ANKRD31: variants seen among roughly 807,000 people sequenced by gnomAD.
ANKRD31 encodes ankyrin repeat domain-containing protein 31.
ANKRD31 carries 147 observed loss-of-function variants against 186.0 expected under a neutral mutation model. That is an observed-to-expected ratio of 0.79 (90% CI 0.69 to 0.91). The LOEUF (loss-of-function observed/expected upper bound fraction) is 0.91. Among genes scored for constraint, ANKRD31 ranks in the 40% least tolerant of loss-of-function variants. ANKRD31 has a pLI of 0.00. For missense variants in ANKRD31, 1,986 were observed against 2,148.8 expected (o/e 0.92, Z 1.50); for synonymous variants, 673 against 736.4 (o/e 0.91, Z 1.39).
At chr5:75,147,544 C>A in intron 13 of ANKRD31, 39 bp from the exon 14 acceptor site, 1 of 1,248,860 alleles carries the variant, frequency 8.0e-7, no homozygotes, top group Non-Finnish European at 1.1e-6. Context: ...TAATTTTCAG[C>A]GGTAGTACTA....
intron 10 of ANKRD31, among the ~76,000 whole-genome samples, chr5:75,186,234 G>T (rs1426344739): frequency 1.3e-5 from 2 of 152,068 alleles, no homozygotes; most frequent in East Asian, 3.9e-4. Context: ...TTTAAAAAAA[G>T]AAATTGGAGG....
At chr5:75,159,464 A>G (rs1752427154) in intron 11 of ANKRD31, among the ~76,000 whole-genome samples, 1 of 152,158 alleles carries the variant, frequency 6.6e-6, no homozygotes, top group Non-Finnish European at 1.5e-5. Context: ...AAAGTCAAAG[A>G]TAAAATCATG....
intron 9 of ANKRD31, among the ~76,000 whole-genome samples, chr5:75,192,124 C>G (rs77793101): frequency 6.6e-6 from 1 of 152,082 alleles, no homozygotes. Context: ...ACGCTTATAT[C>G]GCTGCAGTAT....
intron 10 of ANKRD31, among the ~76,000 whole-genome samples, chr5:75,172,482 C>T (rs576741508): frequency 7.3e-5 from 11 of 150,488 alleles, no homozygotes; most frequent in African/African-American, 2.7e-4. Flanking sequence ...AAAATTGATA[C>T]ACCTCTAGCA....
chr5:75,098,525 A>C lies in ANKRD31; in HGVS notation c.5331+5703T>G, dbSNP rs564737141. ...GAATCTATAAATTACCTTGGGCAGT[A>C]TGGCCATTTTCACGATATTGATTCT... On this transcript the variant is annotated intron_variant, in intron 22 of 25. Coordinates refer to ENST00000506364, the MANE Select transcript of ANKRD31 (RefSeq NM_001372053.1). Among the ~76,000 whole-genome samples, 474 of 152,156 alleles carry C rather than the reference A, an allele frequency of 3.1e-3. 1 individual carries two copies. The highest frequency in any genetic ancestry group is 5.7e-3 in the Non-Finnish European group (389 of 67,998).
Position 75,195,643 on chromosome 5 carries a change from T to G in ANKRD31, c.1005A>C (p.Thr335=), listed in dbSNP as rs182187242. 1.0e-4 allele frequency: 158 copies of G among 1,524,030 alleles called. No individual in the cohort carries two copies. In the African/African-American group the frequency reaches 2.0e-3, roughly 20 times the overall value. 94.4% of individuals were successfully genotyped at this position (1,524,030 alleles called of 1,614,324 possible). The change falls in exon 7 of 26, where the codon ACA becomes ACC. Residue 335 remains threonine (T), a synonymous_variant. Coordinates refer to ENST00000506364, the MANE Select transcript of ANKRD31 (RefSeq NM_001372053.1). Reference sequence around the variant, plus strand: ...ATTCAAAATTCACCTCTGCTATTTGTGTACAATCTTCATTGGTCTGAGACG... The same window carrying G: ...ATTCAAAATTCACCTCTGCTATTTGGGTACAATCTTCATTGGTCTGAGACG... The part of the protein sequence containing the change: ...FNTSQTNEDC[T]QIAETLQDPN...
At chr5:75,099,506 A>G (rs1260725122) in intron 22 of ANKRD31, among the ~76,000 whole-genome samples, 4 of 152,180 alleles carry the variant, frequency 2.6e-5, no homozygotes, top group African/African-American at 9.7e-5. Context: ...AGAAGGAATG[A>G]TACCAGCTCC....
intron 16 of ANKRD31, among the ~76,000 whole-genome samples, chr5:75,138,272 TCA>T (rs1750752413): frequency 1.3e-5 from 2 of 152,132 alleles, no homozygotes; most frequent in South Asian, 4.1e-4. Flanking sequence ...TAAATACTAC[TCA>T]TTTTGATTTG....
At chr5:75,123,493 A>G (rs1748957252) in intron 17 of ANKRD31, among the ~76,000 whole-genome samples, 1 of 152,154 alleles carries the variant, frequency 6.6e-6, no homozygotes, top group Non-Finnish European at 1.5e-5. Flanking sequence ...AGCAATCCTA[A>G]GCAAATAGAA....
intron 2 of ANKRD31, among the ~76,000 whole-genome samples, chr5:75,224,341 C>T (rs1001283184): frequency 7.7e-4 from 116 of 151,394 alleles, no homozygotes; most frequent in African/African-American, 2.7e-3. Context: ...AATGCTGTGG[C>T]CAATTACTCT....
chr5:75,183,505 T>C (rs556068362), intron 10 of ANKRD31, among the ~76,000 whole-genome samples: 9 of 152,250 alleles, frequency 5.9e-5, no homozygotes, highest in Admixed American at 2.6e-4. Flanking sequence ...TATGGTCTTA[T>C]ATATAGAAAG....
At position 75,206,394 on chromosome 5, in the gene ANKRD31, C is replaced by G; in HGVS notation, c.403+17G>C. On this transcript the variant is annotated intron_variant, in intron 5 of 25. Coordinates refer to ENST00000506364, the MANE Select transcript of ANKRD31 (RefSeq NM_001372053.1). ...AAAGACTAATTTCCTTTATATGACTCTACCATGAAAACATACCTTCAATAT... is the reference window on the plus strand; with the variant it reads ...AAAGACTAATTTCCTTTATATGACTGTACCATGAAAACATACCTTCAATAT... 1 of 1,413,564 alleles carries G rather than the reference C, an allele frequency of 7.1e-7. No individual in the cohort carries two copies. Among genetic ancestry groups the G allele is most frequent in the Non-Finnish European group, 9.2e-7 (1 of 1,088,076 alleles). 87.6% of individuals were successfully genotyped at this position (1,413,564 alleles called of 1,614,324 possible).
intron 10 of ANKRD31, among the ~76,000 whole-genome samples, chr5:75,177,632 T>A (rs1456744524): frequency 1.3e-5 from 2 of 152,136 alleles, no homozygotes; most frequent in Non-Finnish European, 2.9e-5. Context: ...CCAGCCAAAC[T>A]AAGCTTCCTA....
At chr5:75,191,225 T>C (rs1183749474) in intron 9 of ANKRD31, among the ~76,000 whole-genome samples, 1 of 152,148 alleles carries the variant, frequency 6.6e-6, no homozygotes, top group Non-Finnish European at 1.5e-5. Flanking sequence ...GTTTGTGTTT[T>C]CCACTACTTA....
Position 75,236,715 on chromosome 5 carries a change from C to A in ANKRD31, c.-29G>T. 1 of 1,518,022 alleles carries A rather than the reference C, an allele frequency of 6.6e-7. No individual in the cohort carries two copies. Among genetic ancestry groups the A allele is most frequent in the Non-Finnish European group, 8.8e-7 (1 of 1,131,234 alleles). 94.0% of individuals were successfully genotyped at this position (1,518,022 alleles called of 1,614,324 possible). On this transcript the variant is annotated 5_prime_UTR_variant, in exon 1 of 26. Transcript: ENST00000506364. ...TGCCTCACATTCAAAGTCTTTTTTA[C>A]CCTCCTCTAACTCCCTCTTGCCCGC...
chr5:75,087,363 C>T (rs1304516015), intron 23 of ANKRD31, among the ~76,000 whole-genome samples: 2 of 151,996 alleles, frequency 1.3e-5, no homozygotes, highest in African/African-American at 4.8e-5. Context: ...AAAAATTAGC[C>T]AGGCATGGTG....
At position 75,156,698 on chromosome 5, in the gene ANKRD31, G is replaced by A. The variant is rs1043195515; in HGVS notation, c.1708-2353C>T. 3.3e-5 allele frequency among the ~76,000 whole-genome samples: 5 copies of A among 152,294 alleles called. No individual in the cohort carries two copies. In the South Asian group the frequency reaches 1.0e-3, roughly 32 times the overall value. On this transcript the variant is annotated intron_variant, in intron 11 of 25. Transcript: ENST00000506364. ...CAGGATTTCACATGCACACACAGAG[G>A]AAAAGCTGAGGTAAAGTCAAGGGAG...
intron 25 of ANKRD31, among the ~76,000 whole-genome samples, chr5:75,070,597 T>C (rs1470308494): frequency 1.3e-5 from 2 of 152,202 alleles, no homozygotes; most frequent in African/African-American, 4.8e-5. Flanking sequence ...ATTATGAGAC[T>C]ATGTGTGACA....
In ANKRD31 at chr5:75,203,673, A is replaced by AGAAAAGAAAAG. The variant is rs536156544; in HGVS notation, c.403+2737_403+2738insCTTTTCTTTTC. Among the ~76,000 whole-genome samples, 297 of 148,316 alleles carry AGAAAAGAAAAG rather than the reference A, an allele frequency of 2.0e-3. 6 individuals carry two copies. In the East Asian group the frequency reaches 0.052, roughly 26 times the overall value. Reference sequence around the variant, plus strand: ...GAGAGGATCCATCTCAAAAAAAAAAAAAAAGAAAAGAAAAGAAAAGAAAAG... The same window carrying AGAAAAGAAAAG: ...GAGAGGATCCATCTCAAAAAAAAAAAGAAAAGAAAAGAAAAGAAAAGAAAAGAAAAGAAAAG... On this transcript the variant is annotated intron_variant, in intron 5 of 25. Coordinates refer to ENST00000506364, the MANE Select transcript of ANKRD31 (RefSeq NM_001372053.1).
Sources: allele counts gnomAD v4.1 joint callset (sites outside exome capture counted in the v4.1 genomes callset), GRCh38; gene constraint gnomAD v4.1.1; transcripts MANE v1.5; gene names NCBI Gene and HGNC (gene_info 2026-07-23, HGNC 2026-07-21).